HSPA4: variants seen among roughly 807,000 people sequenced by gnomAD.
HSPA4 encodes heat shock protein family A (Hsp70) member 4.
Under a neutral mutation model 106.2 loss-of-function variants are expected in HSPA4, and 25 were observed. That is an observed-to-expected ratio of 0.24 (90% confidence interval 0.17 to 0.33). The LOEUF is 0.33. Among genes scored for constraint, HSPA4 ranks in the 10% least tolerant of loss-of-function variants. The probability of loss-of-function intolerance (pLI) is 1.00; values close to 1 mark genes in which losing one functional copy is unlikely to be tolerated. For synonymous variants in HSPA4, 332 were observed against 333.6 expected (o/e 1.00, Z 0.05); for missense variants, 841 against 996.0 (o/e 0.84, Z 2.10).
At chr5:133,052,441 C>G (rs1765093173) in intron 1 of HSPA4, 84 bp downstream of exon 1, 3 of 991,118 alleles carry the variant, frequency 3.0e-6, no homozygotes, top group Non-Finnish European at 1.4e-6. Context: ...GCTTGGGGAA[C>G]GCGGGCCGAG....
At chr5:133,073,136 A>G (rs1384353674) in intron 4 of HSPA4, 94 bp from the exon 5 acceptor site, 1 of 707,176 alleles carries the variant, frequency 1.4e-6, no homozygotes, top group Non-Finnish European at 2.4e-6. Flanking sequence ...TCATATACAG[A>G]ATAAATTGCT....
chr5:133,083,305 C>G (rs1335510155), intron 7 of HSPA4, among the ~76,000 whole-genome samples: 1 of 152,016 alleles, frequency 6.6e-6, no homozygotes, highest in Non-Finnish European at 1.5e-5. Flanking sequence ...GAATGAGACT[C>G]CATCTCAAAA....
At chr5:133,077,043 C>T in intron 7 of HSPA4, 145 bp downstream of exon 7, 2 of 683,856 alleles carry the variant, frequency 2.9e-6, no homozygotes, top group Non-Finnish European at 4.8e-6. Context: ...CATTCAGGAC[C>T]CTGCTTTTTA....
chr5:133,080,078 T>C (rs572500572), intron 7 of HSPA4, among the ~76,000 whole-genome samples: 1 of 152,282 alleles, frequency 6.6e-6, no homozygotes, highest in South Asian at 2.1e-4. Context: ...TTGTCACTTG[T>C]TCTTTTTGCT....
rs1246998950 is a variant in HSPA4, at chr5:133,096,213, T to C, written c.1766T>C (p.Ile589Thr). 1 of 1,613,844 alleles carries C rather than the reference T, an allele frequency of 6.2e-7. No individual in the cohort carries two copies. Among genetic ancestry groups the C allele is most frequent in the Non-Finnish European group, 8.5e-7 (1 of 1,179,892 alleles). Residue 589 changes from isoleucine to threonine, a missense_variant, in exon 14 of 19, where the codon ATA becomes ACA. Around this residue, in one of 5 missense-constraint regions of HSPA4, gnomAD observed 328 missense variants for 372.2 expected, o/e 0.88. Coordinates refer to ENST00000304858, the MANE Select transcript of HSPA4 (RefSeq NM_002154.4). ...ATCGAGAATCAGCTATTATGGCAGA[T>C]AGACAGAGAGATGCTCAACTTGTAC... ...LPIENQLLWQ[I>T]DREMLNLYIE...
At chr5:133,055,307 A>ATTTTTTTTTTTTTTTT (rs397999293) in intron 1 of HSPA4, among the ~76,000 whole-genome samples, 2 of 60,062 alleles carry the variant, frequency 3.3e-5, no homozygotes, top group African/African-American at 1.2e-4. Flanking sequence ...AGGAAGGTTG[A>ATTTTTTTTTTTTTTTT]TTTTTTTTTT....
intron 1 of HSPA4, among the ~76,000 whole-genome samples, chr5:133,063,477 C>G (rs996663094): frequency 1.3e-5 from 2 of 152,106 alleles, no homozygotes; most frequent in African/African-American, 4.8e-5. Context: ...GTTGCCCAGG[C>G]TGGAGTGCAG....
At chr5:133,065,076 C>G (rs756330749) in intron 2 of HSPA4, 39 bp downstream of exon 2, 5 of 1,550,452 alleles carry the variant, frequency 3.2e-6, no homozygotes. Flanking sequence ...CTTATTTCTC[C>G]TCTTCATCCA....
In HSPA4 at chr5:133,091,272, C is replaced by G; in HGVS notation, c.1458C>G (p.Val486=). 3 of 1,613,858 alleles carry G rather than the reference C, an allele frequency of 1.9e-6. No homozygotes were observed. The highest frequency in any genetic ancestry group is 2.2e-5 in the South Asian group (2 of 91,080). Residue 486 remains valine (V), a synonymous_variant, in exon 12 of 19, where the codon GTC becomes GTG. Coordinates refer to ENST00000304858, the MANE Select transcript of HSPA4 (RefSeq NM_002154.4). ...SKVKVKVRVN[V]HGIFSVSSAS... ...TGAAAGTCAAAGTTCGAGTAAATGTCCATGGCATTTTCAGTGTGTCCAGTG... is the reference window on the plus strand; with the variant it reads ...TGAAAGTCAAAGTTCGAGTAAATGTGCATGGCATTTTCAGTGTGTCCAGTG...
At chr5:133,057,618 C>T (rs977005403) in intron 1 of HSPA4, among the ~76,000 whole-genome samples, 2 of 152,150 alleles carry the variant, frequency 1.3e-5, no homozygotes, top group Non-Finnish European at 2.9e-5. Flanking sequence ...CATAAATATT[C>T]GGTCAGTAGT....
intron 7 of HSPA4, among the ~76,000 whole-genome samples, chr5:133,084,209 TG>T (rs1765550475): frequency 6.6e-6 from 1 of 152,244 alleles, no homozygotes; most frequent in Admixed American, 6.5e-5. Context: ...TAGTTTTTTG[TG>T]TAAGGCATTT....
intron 3 of HSPA4, among the ~76,000 whole-genome samples, chr5:133,069,328 C>T (rs1765352577): frequency 6.6e-6 from 1 of 151,766 alleles, no homozygotes; most frequent in African/African-American, 2.4e-5. Flanking sequence ...AGGTTTACTG[C>T]AACCTCTGCC....
intron 7 of HSPA4, among the ~76,000 whole-genome samples, chr5:133,081,096 G>A (rs1765509188): frequency 1.3e-5 from 2 of 152,034 alleles, no homozygotes; most frequent in Non-Finnish European, 2.9e-5. Flanking sequence ...CACCCAGGCT[G>A]GAGTGCAGTG....
At position 133,101,045 on chromosome 5, in the gene HSPA4, A is replaced by G. The variant is rs1001059212; in HGVS notation, c.2038-714A>G. Among the ~76,000 whole-genome samples, 14 of 152,274 alleles carry G rather than the reference A, an allele frequency of 9.2e-5. No individual in the cohort carries two copies. In the East Asian group the frequency reaches 1.5e-3, roughly 17 times the overall value. On this transcript the variant is annotated intron_variant, in intron 16 of 18. Coordinates refer to ENST00000304858, the MANE Select transcript of HSPA4 (RefSeq NM_002154.4). ...GTATGGGTACTCCTGGACTCAAGCA[A>G]TTCTCCTGCCTTGGTCTCCCAAAGT...
intron 7 of HSPA4, among the ~76,000 whole-genome samples, chr5:133,083,440 T>A (rs1376024171): frequency 6.6e-6 from 1 of 152,254 alleles, no homozygotes; most frequent in Non-Finnish European, 1.5e-5. Context: ...GTAAATGTCC[T>A]CATCCCACCA....
At chr5:133,052,610 A>C (rs1048533598) in intron 1 of HSPA4, among the ~76,000 whole-genome samples, 2 of 152,210 alleles carry the variant, frequency 1.3e-5, no homozygotes, top group African/African-American at 4.8e-5. Context: ...TCTGGCCGGT[A>C]CTCGGACCAG....
intron 13 of HSPA4, among the ~76,000 whole-genome samples, chr5:133,094,137 G>A (rs1026341144): frequency 6.6e-6 from 1 of 152,116 alleles, no homozygotes; most frequent in Non-Finnish European, 1.5e-5. Flanking sequence ...AATATATTTT[G>A]TGATTAATGT....
At position 133,101,177 on chromosome 5, in the gene HSPA4, G is replaced by A. The variant is rs988729628; in HGVS notation, c.2038-582G>A. ...TATTTCATAAATGATTTTTTTGTTT[G>A]AATCAGTATCCGTATAGGGCTCATA... On this transcript the variant is annotated intron_variant, in intron 16 of 18. Coordinates refer to ENST00000304858, the MANE Select transcript of HSPA4 (RefSeq NM_002154.4). 5.3e-5 allele frequency among the ~76,000 whole-genome samples: 8 copies of A among 152,244 alleles called. No individual in the cohort carries two copies. In the South Asian group the frequency reaches 6.2e-4, roughly 12 times the overall value.
At chr5:133,099,110 A>G (rs1243654158) in intron 15 of HSPA4, among the ~76,000 whole-genome samples, 3 of 151,768 alleles carry the variant, frequency 2.0e-5, no homozygotes, top group Non-Finnish European at 4.4e-5. Context: ...TGTATCTCCC[A>G]TCTCCTTACT....
Sources: allele counts gnomAD v4.1 joint callset (sites outside exome capture counted in the v4.1 genomes callset), GRCh38; gene constraint gnomAD v4.1.1; regional missense constraint gnomAD v4.1.1; transcripts MANE v1.5; gene names NCBI Gene and HGNC (gene_info 2026-07-23, HGNC 2026-07-21).